Variants in PHKA1 observed in about 807,000 individuals in gnomAD.
The protein encoded by PHKA1 is phosphorylase kinase regulatory subunit alpha 1.
In PHKA1, 60 loss-of-function variants were observed where a neutral mutation model predicts 110.2. The ratio of observed to expected loss-of-function variants is 0.54; its 90% CI spans 0.44 to 0.68. The LOEUF (loss-of-function observed/expected upper bound fraction) is 0.68, where lower values mean the gene tolerates loss of function less well. Ranked by LOEUF, PHKA1 falls within the 30% of genes least tolerant of loss-of-function variation. The pLI, the probability that PHKA1 is intolerant of heterozygous loss-of-function variation, is 0.00. For missense variants in PHKA1, 801 were observed against 942.5 expected (o/e 0.85, Z 1.97); for synonymous variants, 316 against 333.6 (o/e 0.95, Z 0.58).
intron 13 of PHKA1, among the ~76,000 whole-genome samples, chrX:72,645,052 G>C (rs1426989500): frequency 2.7e-5 from 3 of 111,532 alleles, no homozygotes; most frequent in Non-Finnish European, 5.6e-5. Context: ...GGGAGAGATG[G>C]GGGATGAAAC....
intron 5 of PHKA1, among the ~76,000 whole-genome samples, chrX:72,676,721 C>T (rs1206156467): frequency 8.9e-6 from 1 of 111,795 alleles, no homozygotes; most frequent in Non-Finnish European, 1.9e-5. Context: ...CACTCCAAAG[C>T]CTACCCTCTT....
At position 72,711,706 on chromosome X, in the gene PHKA1, T is replaced by A. The variant is rs181231646; in HGVS notation, c.237+1073A>T. Reference sequence around the variant, plus strand: ...TTGCAGTGAGCTGAGATCGTGCCACTGCACTCCAGCCTGGGGACAGAGTGA... The same window carrying A: ...TTGCAGTGAGCTGAGATCGTGCCACAGCACTCCAGCCTGGGGACAGAGTGA... On this transcript the variant is annotated intron_variant, in intron 2 of 31. Coordinates refer to ENST00000373542, the MANE Select transcript of PHKA1 (RefSeq NM_002637.4). 1.0e-3 allele frequency among the ~76,000 whole-genome samples: 112 copies of A among 111,882 alleles called. 1 individual carries two copies. The highest frequency in any genetic ancestry group is 4.6e-3 in the Middle Eastern group (1 of 216).
intron 16 of PHKA1, among the ~76,000 whole-genome samples, chrX:72,633,857 C>T (rs1039570266): frequency 1.8e-5 from 2 of 111,812 alleles, no homozygotes; most frequent in Middle Eastern, 4.2e-3. Flanking sequence ...TTACTTTTCC[C>T]ATTTTGCTTA....
intron 6 of PHKA1, among the ~76,000 whole-genome samples, chrX:72,668,419 G>C (rs1345757737): frequency 1.8e-5 from 2 of 112,028 alleles, no homozygotes; most frequent in Non-Finnish European, 3.8e-5. Flanking sequence ...GCTATCACTA[G>C]CAGTATATGA....
chrX:72,613,353 A>G (rs781996674), intron 21 of PHKA1, among the ~76,000 whole-genome samples: 2 of 103,449 alleles, frequency 1.9e-5, no homozygotes, highest in Non-Finnish European at 3.8e-5. Context: ...GTTTACCTAC[A>G]TATCCATAAA....
At chrX:72,695,434 G>A (rs1204825919) in intron 4 of PHKA1, among the ~76,000 whole-genome samples, 2 of 111,236 alleles carry the variant, frequency 1.8e-5, no homozygotes, top group East Asian at 5.6e-4. Context: ...CAGATGCCTT[G>A]TTTATAATAT....
At chrX:72,611,334 T>C (rs1273826144) in intron 21 of PHKA1, 150 bp from the exon 22 acceptor site, 1 of 498,233 alleles carries the variant, frequency 2.0e-6, no homozygotes, top group Non-Finnish European at 3.5e-6. Flanking sequence ...TATAAAACTA[T>C]GATTAACAGT....
At chrX:72,642,762 T>G (rs1556296035) in intron 14 of PHKA1, among the ~76,000 whole-genome samples, 1 of 111,632 alleles carries the variant, frequency 9.0e-6, no homozygotes, top group Non-Finnish European at 1.9e-5. Context: ...TTTTATAATA[T>G]TCAAGCTAAT....
At chrX:72,681,163 G>A (rs1167548176) in intron 5 of PHKA1, among the ~76,000 whole-genome samples, 1 of 94,428 alleles carries the variant, frequency 1.1e-5, no homozygotes, top group Non-Finnish European at 2.2e-5. Context: ...TGTGGGGAGC[G>A]CCTCTGCCCC....
chrX:72,620,597 T>C (rs1054848629), intron 19 of PHKA1, 128 bp downstream of exon 19: 2 of 514,816 alleles, frequency 3.9e-6, no homozygotes, highest in Non-Finnish European at 6.7e-6. Context: ...CTAGGTGCTG[T>C]CTGAGATGCG....
chrX:72,599,210 T>A (rs2052627108), intron 28 of PHKA1, among the ~76,000 whole-genome samples: 1 of 111,968 alleles, frequency 8.9e-6, no homozygotes, highest in African/African-American at 3.2e-5. Context: ...CTAATATTGT[T>A]TCGAATAATT....
intron 6 of PHKA1, among the ~76,000 whole-genome samples, chrX:72,674,521 T>G (rs1386836643): frequency 8.9e-6 from 1 of 112,013 alleles, no homozygotes; most frequent in Non-Finnish European, 1.9e-5. Context: ...AGATGGTATC[T>G]CACTATGGTT....
intron 15 of PHKA1, 124 bp from the exon 16 acceptor site, chrX:72,635,423 T>C (rs1556291114): frequency 1.6e-6 from 1 of 613,764 alleles, no homozygotes; most frequent in East Asian, 3.6e-5. Flanking sequence ...CCCCCACATT[T>C]AATGTCTAAT....
intron 18 of PHKA1, chrX:72,621,878 C>T (rs1311081359): frequency 4.0e-6 from 3 of 751,195 alleles, no homozygotes; most frequent in Non-Finnish European, 3.1e-6. Context: ...TGAGTAAACC[C>T]GGAACTAGGA....
chrX:72,628,590 A>C (rs1174612267), intron 16 of PHKA1, among the ~76,000 whole-genome samples: 2 of 86,450 alleles, frequency 2.3e-5, no homozygotes, highest in Non-Finnish European at 3.9e-5. Flanking sequence ...AAATATATAT[A>C]TATATATTTT....
chrX:72,672,525 C>G (rs1192971274), intron 6 of PHKA1, among the ~76,000 whole-genome samples: 1 of 111,321 alleles, frequency 9.0e-6, no homozygotes, highest in African/African-American at 3.3e-5. Context: ...TATAAAGCCA[C>G]CAGTCCCATT....
chrX:72,657,496 T>C (rs1556301936), intron 9 of PHKA1, 92 bp downstream of exon 9: 1 of 627,102 alleles, frequency 1.6e-6, no homozygotes, highest in African/African-American at 2.2e-5. Flanking sequence ...TCTCTATAAG[T>C]ACCATCAGTG....
At chrX:72,652,331 C>T (rs1329691821) in intron 12 of PHKA1, among the ~76,000 whole-genome samples, 1 of 111,210 alleles carries the variant, frequency 9.0e-6, no homozygotes, top group Non-Finnish European at 1.9e-5. Flanking sequence ...TAGGGAGCCC[C>T]GGGCAGCAGG....
At chrX:72,667,530 T>A in intron 6 of PHKA1, 57 bp from the exon 7 acceptor site, 3 of 842,343 alleles carry the variant, frequency 3.6e-6, no homozygotes, top group Non-Finnish European at 3.5e-6. Context: ...ATATATTTCT[T>A]CTCCCTATAT....
Sources: gnomAD v4.1 joint callset for allele counts (sites outside exome capture counted in the v4.1 genomes callset) on GRCh38, gnomAD v4.1.1 for gene constraint, MANE v1.5 for transcripts, NCBI Gene and HGNC (gene_info 2026-07-23, HGNC 2026-07-21) for gene names.